Variants in BOC observed in about 807,000 individuals in gnomAD.
BOC encodes brother of CDO.
In BOC, 76 loss-of-function variants were observed where a neutral mutation model predicts 112.0. The observed-to-expected ratio is 0.68, with a 90% CI of 0.56 to 0.82. BOC has a LOEUF of 0.82. Ranked by LOEUF, BOC falls within the 40% of genes least tolerant of loss-of-function variation. BOC has a pLI of 0.00. For missense variants in BOC, 1,309 were observed against 1,511.7 expected, an observed-to-expected ratio of 0.87 and a Z score of 2.22; for synonymous variants, 580 against 599.8, an observed-to-expected ratio of 0.97 and a Z score of 0.48.
chr3:113,251,143 G>C (rs546149903), intron 4 of BOC: 8 of 565,814 alleles, frequency 1.4e-5, no homozygotes, highest in South Asian at 2.3e-5. Context: ...GGGCCGTGCC[G>C]TGCCTTCCTA....
rs1267899249 is a variant in BOC at position 113,272,707 on chromosome 3, AG to A, written c.961+5del. 6.2e-7 allele frequency: 1 copy of A among 1,612,982 alleles called. No homozygotes were observed. The highest frequency in any genetic ancestry group is 1.1e-5 in the South Asian group (1 of 91,004). On this transcript the variant is annotated splice_donor_5th_base_variant and intron_variant, in intron 7 of 19. Coordinates refer to ENST00000682979, the MANE Select transcript of BOC (RefSeq NM_001378074.1). Reference sequence around the variant, plus strand: ...CTCTACAATGTCCAGGTGTTTGGTGAGTGTCTGCTGTGGACTGTCTTCTGCT... The same window carrying A: ...CTCTACAATGTCCAGGTGTTTGGTGATGTCTGCTGTGGACTGTCTTCTGCT...
chr3:113,271,004 A>G (rs1948054323), intron 6 of BOC, 60 bp downstream of exon 6: 2 of 1,609,520 alleles, frequency 1.2e-6, no homozygotes, highest in Middle Eastern at 1.7e-4. Flanking sequence ...GCTCACAAAG[A>G]TGGAAAGGGA....
rs771618048 is a variant in BOC at position 113,278,281 on chromosome 3, G to A, written c.1705+24G>A. The A allele has an allele frequency of 1.9e-6, 3 of 1,612,446 alleles. No homozygotes were observed. Among genetic ancestry groups the A allele is most frequent in the Non-Finnish European group, 2.5e-6 (3 of 1,178,634 alleles). ...TGGTGAGAGTCAAACATTGCCCCTT[G>A]CTTAGGGTTTCCGTGGGTCTAAGCA... On this transcript the variant is annotated intron_variant, in intron 10 of 19. Coordinates refer to ENST00000682979, the MANE Select transcript of BOC (RefSeq NM_001378074.1). This position sits in a 1 kb window ranked among gnomAD's most constrained non-coding sequence, Gnocchi z 4.2.
chr3:113,283,877 C>T (rs907110835), intron 16 of BOC, among the ~76,000 whole-genome samples: 1 of 151,822 alleles, frequency 6.6e-6, no homozygotes, highest in Admixed American at 6.6e-5. Context: ...CTATGTTGTG[C>T]CATCTTCTGA....
chr3:113,257,863 T>A (rs1946401695), intron 4 of BOC, among the ~76,000 whole-genome samples: 1 of 152,226 alleles, frequency 6.6e-6, no homozygotes, highest in Non-Finnish European at 1.5e-5. Context: ...TCTCCAGTGC[T>A]GACTCCTATA....
chr3:113,229,111 G>C (rs754831865), intron 2 of BOC, among the ~76,000 whole-genome samples: 1 of 152,208 alleles, frequency 6.6e-6, no homozygotes, highest in African/African-American at 2.4e-5. Flanking sequence ...GCTCTGAGGT[G>C]GGGTAGAGGG....
rs1276274641 is a variant in BOC, at chr3:113,249,892, T to C, written c.90T>C (p.Ala30=). The C allele has an allele frequency of 1.9e-6, 3 of 1,613,470 alleles. No individual in the cohort carries two copies. Among genetic ancestry groups the C allele is most frequent in the African/African-American group, 2.7e-5 (2 of 75,044 alleles). ...CLLLATAGCF[A]DLNEVPQVTV... ...TCCTAGCCACAGCAGGCTGCTTTGC[T>C]GACTTGAGTGAGTGCTTTCCTTCCC... Residue 30 remains alanine, a synonymous_variant, in exon 3 of 20, where the codon GCT becomes GCC. Transcript: ENST00000682979.
chr3:113,280,469 C>G (rs1450351836), intron 13 of BOC, 89 bp from the exon 14 acceptor site: 1 of 888,836 alleles, frequency 1.1e-6, no homozygotes, highest in African/African-American at 1.7e-5. Flanking sequence ...AAACTCTGGA[C>G]TGGGGTAGAA....
rs577379522 is a variant in BOC at position 113,229,879 on chromosome 3, A to T, written c.-82+13605A>T. Among the ~76,000 whole-genome samples the T allele has an allele frequency of 3.3e-5, 5 of 152,338 alleles. No homozygotes were observed. In the South Asian group the frequency reaches 1.0e-3, roughly 32 times the overall value. Reference sequence around the variant, plus strand: ...TGACCCCAAAATCCACGGCAGAGACACCTGCACTGGGATTCTCAACGCTGG... The same window carrying T: ...TGACCCCAAAATCCACGGCAGAGACTCCTGCACTGGGATTCTCAACGCTGG... On this transcript the variant is annotated intron_variant, in intron 2 of 19. Transcript: ENST00000682979.
At chr3:113,245,973 G>A (rs1215093291) in intron 2 of BOC, among the ~76,000 whole-genome samples, 1 of 152,210 alleles carries the variant, frequency 6.6e-6, no homozygotes, top group Non-Finnish European at 1.5e-5. Flanking sequence ...GCCCTCTTGG[G>A]AGGAAGTGGA....
Position 113,250,567 on chromosome 3 carries a change from AG to A in BOC, c.112del (p.Val38SerfsTer16). 6.2e-7 allele frequency: 1 copy of A among 1,611,826 alleles called. No homozygotes were observed. The highest frequency in any genetic ancestry group is 1.7e-4 in the Middle Eastern group (1 of 6,050). On this transcript the variant is annotated frameshift_variant, in exon 4 of 20. Coordinates refer to ENST00000682979, the MANE Select transcript of BOC (RefSeq NM_001378074.1). LOFTEE classifies it high-confidence loss of function. ...GCFADLNEVP[Q>X]VTVQPASTVQ... ...GTTCTTCCTCCAGACGAGGTCCCTC[AG>A]GTCACCGTCCAGCCTGCGTCCACCG...
intron 2 of BOC, 128 bp from the exon 3 acceptor site, chr3:113,249,594 A>G: frequency 2.0e-6 from 1 of 491,766 alleles, no homozygotes; most frequent in Non-Finnish European, 3.5e-6. Flanking sequence ...TTCCAGCAGC[A>G]TGACCGGGTC....
At chr3:113,264,614 G>A (rs1000972262) in intron 4 of BOC, among the ~76,000 whole-genome samples, 5 of 152,138 alleles carry the variant, frequency 3.3e-5, no homozygotes, top group African/African-American at 4.8e-5. Flanking sequence ...CCATCTGATG[G>A]CTGGTTAGGC....
At chr3:113,258,957 G>A (rs548852241) in intron 4 of BOC, among the ~76,000 whole-genome samples, 10 of 152,188 alleles carry the variant, frequency 6.6e-5, no homozygotes, top group Non-Finnish European at 1.5e-4. Context: ...TTACATCAAC[G>A]CTTTCTGTTT....
rs778160889 is a variant in BOC at position 113,250,730 on chromosome 3, C to T, written c.273C>T (p.Leu91=). 11 of 1,614,024 alleles carry T rather than the reference C, an allele frequency of 6.8e-6. No individual in the cohort carries two copies. The highest frequency in any genetic ancestry group is 8.5e-6 in the Non-Finnish European group (10 of 1,180,036). The change falls in exon 4 of 20, where the codon CTC becomes CTT. Residue 91 remains leucine, a synonymous_variant. Coordinates refer to ENST00000682979, the MANE Select transcript of BOC (RefSeq NM_001378074.1). ...ALGVLITHGT[L]VITALNNHTV... ...GTGTCCTCATCACCCACGGGACCCT[C>T]GTCATCACTGCCCTTAACAACCACA...
chr3:113,249,857 GCTTGCC>G lies in BOC; in HGVS notation c.56_61del (p.Ala19_Leu21delinsVal). On this transcript the variant is annotated inframe_deletion, in exon 3 of 20. Transcript: ENST00000682979. ...AGGAATGAGGCCTGAGGTCACACTGGCTTGCCTCCTCCTAGCCACAGCAGGCTGCTT... is the reference window on the plus strand; with the variant it reads ...AGGAATGAGGCCTGAGGTCACACTGGTCCTCCTAGCCACAGCAGGCTGCTT... 6.2e-7 allele frequency: 1 copy of G among 1,613,680 alleles called. No individual in the cohort carries two copies. The highest frequency in any genetic ancestry group is 8.5e-7 in the Non-Finnish European group (1 of 1,179,886).
intron 2 of BOC, among the ~76,000 whole-genome samples, chr3:113,225,896 A>G (rs185401721): frequency 6.6e-6 from 1 of 152,280 alleles, no homozygotes; most frequent in East Asian, 1.9e-4. Context: ...GAACTACTGA[A>G]CTGTGTAAGT....
intron 2 of BOC, among the ~76,000 whole-genome samples, chr3:113,233,148 G>GGGGGGGGGT (rs75678874): frequency 8.1e-6 from 1 of 123,960 alleles, no homozygotes; most frequent in African/African-American, 3.1e-5. Flanking sequence ...AAAGGATTGG[G>GGGGGGGGGT]GTGTGTGTGT....
At chr3:113,233,172 T>C (rs1406373679) in intron 2 of BOC, among the ~76,000 whole-genome samples, 1 of 150,750 alleles carries the variant, frequency 6.6e-6, no homozygotes, top group African/African-American at 2.4e-5. Context: ...TGTGTGTGTG[T>C]GTGTGTGTGT....
Sources: gnomAD v4.1 joint callset for allele counts (sites outside exome capture counted in the v4.1 genomes callset) on GRCh38, gnomAD v4.1.1 for gene constraint, Gnocchi (gnomAD v3.1) non-coding constraint, MANE v1.5 for transcripts, NCBI Gene and HGNC (gene_info 2026-07-23, HGNC 2026-07-21) for gene names.